The following XKR9 variants were observed in gnomAD, a reference collection of about 807,000 sequenced individuals.
XKR9 encodes the protein XK-related protein 9.
A neutral mutation model predicts 32.0 loss-of-function variants in XKR9; 32 were observed. The ratio of observed to expected loss-of-function variants is 1.00; its 90% CI spans 0.76 to 1.34. The LOEUF (loss-of-function observed/expected upper bound fraction) is 1.34. Among genes scored for constraint, XKR9 ranks in the 40% most tolerant of loss-of-function variants. The pLI is 0.00. For synonymous variants in XKR9, 168 were observed against 143.4 expected (o/e 1.17, Z -1.22); for missense variants, 546 against 429.7 (o/e 1.27, Z -2.39).
chr8:70,717,776 A>AT (rs1235259491), intron 4 of XKR9, among the ~76,000 whole-genome samples: 1 of 152,166 alleles, frequency 6.6e-6, no homozygotes, highest in African/African-American at 2.4e-5. Flanking sequence ...GTGGGCTTGA[A>AT]TGTCTGCTCA....
the XKR9 span, among the ~76,000 whole-genome samples, chr8:70,991,753 C>A: frequency 1.3e-5 from 2 of 152,174 alleles, no homozygotes; most frequent in African/African-American, 4.8e-5. Flanking sequence ...CTAGAAGACC[C>A]TGCTATACAG....
At chr8:70,750,602 T>C (rs901211283) in intron 2 of XKR9, among the ~76,000 whole-genome samples, 2 of 152,132 alleles carry the variant, frequency 1.3e-5, no homozygotes, top group African/African-American at 4.8e-5. Flanking sequence ...GCCACTGGAG[T>C]CTGCTCTTCC....
the XKR9 span, among the ~76,000 whole-genome samples, chr8:71,055,729 C>A: frequency 1.3e-5 from 2 of 152,208 alleles, no homozygotes; most frequent in East Asian, 3.9e-4. Context: ...AAAATAGATT[C>A]TTTCCTTGCT....
At chr8:70,990,733 A>AAGAGAGAGAG in the XKR9 span, among the ~76,000 whole-genome samples, 24 of 143,312 alleles carry the variant, frequency 1.7e-4, no homozygotes, top group Middle Eastern at 3.5e-3. Flanking sequence ...TTGGCAGAAT[A>AAGAGAGAGAG]AGAGAGAGAG....
At chr8:70,730,059 ATTTT>A (rs1806611495) in intron 4 of XKR9, among the ~76,000 whole-genome samples, 1 of 152,142 alleles carries the variant, frequency 6.6e-6, no homozygotes. Flanking sequence ...AAAAAAATAT[ATTTT>A]TTAAGGCAAA....
the XKR9 span, among the ~76,000 whole-genome samples, chr8:70,943,410 T>C: frequency 6.6e-6 from 1 of 152,170 alleles, no homozygotes; most frequent in Non-Finnish European, 1.5e-5. Context: ...TAGGAGCATA[T>C]GGATTTCATT....
At chr8:70,748,171 C>T (rs904780220) in intron 2 of XKR9, among the ~76,000 whole-genome samples, 4 of 152,290 alleles carry the variant, frequency 2.6e-5, no homozygotes, top group South Asian at 4.1e-4. Flanking sequence ...TGGGTTGCAG[C>T]GGGGGAGGTG....
chr8:71,060,112 A>C, the XKR9 span, among the ~76,000 whole-genome samples: 1 of 152,208 alleles, frequency 6.6e-6, no homozygotes, highest in African/African-American at 2.4e-5. Context: ...AGAGTGTTTA[A>C]ATCATTCGCT....
chr8:70,808,694 C>A, the XKR9 span, among the ~76,000 whole-genome samples: 1 of 152,234 alleles, frequency 6.6e-6, no homozygotes, highest in African/African-American at 2.4e-5. Flanking sequence ...GAGCCTTGCT[C>A]ATTGCTAGCA....
the XKR9 span, among the ~76,000 whole-genome samples, chr8:70,830,441 G>A: frequency 1.3e-4 from 19 of 151,710 alleles, no homozygotes; most frequent in East Asian, 1.2e-3. Flanking sequence ...AGAAATATCA[G>A]CTGAGAGTCG....
chr8:70,753,741 A>C (rs1239571207), intron 2 of XKR9, among the ~76,000 whole-genome samples: 1 of 151,880 alleles, frequency 6.6e-6, no homozygotes, highest in Non-Finnish European at 1.5e-5. Context: ...ACTCTCAATA[A>C]ATTAGGTACT....
the XKR9 span, among the ~76,000 whole-genome samples, chr8:70,818,457 A>G: frequency 6.6e-6 from 1 of 152,164 alleles, no homozygotes; most frequent in Non-Finnish European, 1.5e-5. Flanking sequence ...ATGATTGTAG[A>G]TATTACGACT....
chr8:71,051,666 T>C, the XKR9 span, among the ~76,000 whole-genome samples: 3 of 152,206 alleles, frequency 2.0e-5, no homozygotes, highest in Non-Finnish European at 4.4e-5. Flanking sequence ...TAATGTGAAA[T>C]ATTGTAAATG....
the XKR9 span, among the ~76,000 whole-genome samples, chr8:70,800,874 C>A: frequency 6.6e-6 from 1 of 151,834 alleles, no homozygotes; most frequent in Non-Finnish European, 1.5e-5. Flanking sequence ...CAATTTCTTC[C>A]TGGTTCAGTC....
At chr8:70,998,955 T>C in the XKR9 span, among the ~76,000 whole-genome samples, 5 of 152,102 alleles carry the variant, frequency 3.3e-5, no homozygotes, top group African/African-American at 1.2e-4. Flanking sequence ...GTCCTTAGGT[T>C]CCACATCTGC....
chr8:70,736,319 G>T (rs61659484), downstream of XKR9, among the ~76,000 whole-genome samples: 10,553 of 150,596 alleles, frequency 0.07, 441 homozygotes, highest in Non-Finnish European at 0.087. Context: ...GGGGTTGTTT[G>T]TTTTTTCTTG....
the XKR9 span, among the ~76,000 whole-genome samples, chr8:70,877,132 G>C: frequency 6.6e-6 from 1 of 152,100 alleles, no homozygotes; most frequent in Non-Finnish European, 1.5e-5. Flanking sequence ...GGCAAGGAGA[G>C]AGAATGAGAG....
the XKR9 span, among the ~76,000 whole-genome samples, chr8:70,858,246 C>G: frequency 6.6e-6 from 1 of 152,140 alleles, no homozygotes; most frequent in Non-Finnish European, 1.5e-5. Context: ...TCTCCTTAAG[C>G]TGATAAGCAA....
chr8:70,954,712 T>C, the XKR9 span, among the ~76,000 whole-genome samples: 5 of 152,224 alleles, frequency 3.3e-5, no homozygotes, highest in Non-Finnish European at 5.9e-5. Flanking sequence ...CATAAAGGCA[T>C]TGGTCATTTA....
Sources: allele counts gnomAD v4.1 joint callset (sites outside exome capture counted in the v4.1 genomes callset), GRCh38; gene constraint gnomAD v4.1.1; transcripts MANE v1.5; gene names NCBI Gene and HGNC (gene_info 2026-07-23, HGNC 2026-07-21).